HIVEP3: variants seen among roughly 807,000 people sequenced by gnomAD.
The protein encoded by HIVEP3 is HIVEP zinc finger 3, also known as transcription factor HIVEP3.
In HIVEP3, 49 loss-of-function variants were observed where a neutral mutation model predicts 152.8. That is an observed-to-expected ratio of 0.32 (90% CI 0.26 to 0.41). The LOEUF (loss-of-function observed/expected upper bound fraction) is 0.41. Among genes scored for constraint, HIVEP3 ranks in the 10% least tolerant of loss-of-function variants. The probability of loss-of-function intolerance (pLI) is 1.00; values close to 1 mark genes in which losing one functional copy is unlikely to be tolerated. For synonymous variants in HIVEP3, 1,269 were observed against 1,289.0 expected, an observed-to-expected ratio of 0.98 and a Z score of 0.33; for missense variants, 2,790 against 3,103.3, an observed-to-expected ratio of 0.90 and a Z score of 2.40.
chr1:41,919,232 C>A (rs1644919275), upstream of HIVEP3, among the ~76,000 whole-genome samples: 1 of 152,148 alleles, frequency 6.6e-6, no homozygotes, highest in South Asian at 2.1e-4. Flanking sequence ...GTTATGTAAA[C>A]ACTATGATCC....
intron 2 of HIVEP3, among the ~76,000 whole-genome samples, chr1:41,681,587 C>T (rs1270605892): frequency 6.6e-6 from 1 of 152,198 alleles, no homozygotes; most frequent in Non-Finnish European, 1.5e-5. Context: ...GACAAGGCAC[C>T]CTTGCACCAC....
intron 2 of HIVEP3, among the ~76,000 whole-genome samples, chr1:41,681,836 G>A (rs994460082): frequency 6.6e-6 from 1 of 152,148 alleles, no homozygotes; most frequent in Admixed American, 6.5e-5. Flanking sequence ...TGGACTGGCT[G>A]CCCCAACTTG....
intron 1 of HIVEP3, among the ~76,000 whole-genome samples, chr1:41,741,252 C>A (rs573571378): frequency 1.3e-5 from 2 of 152,246 alleles, no homozygotes; most frequent in South Asian, 4.1e-4. Flanking sequence ...TCCCCTAGCA[C>A]CTTTGTCTTC....
At chr1:41,677,364 A>G (rs1645973206) in intron 2 of HIVEP3, among the ~76,000 whole-genome samples, 1 of 152,254 alleles carries the variant, frequency 6.6e-6, no homozygotes, top group Non-Finnish European at 1.5e-5. Flanking sequence ...AAGACAATGG[A>G]TGCTAGAAAA....
At chr1:41,666,098 G>C (rs898826227) in intron 2 of HIVEP3, among the ~76,000 whole-genome samples, 6 of 150,646 alleles carry the variant, frequency 4.0e-5, no homozygotes, top group African/African-American at 1.5e-4. Flanking sequence ...TGCTTTGGTT[G>C]TTTTCCTGTT....
rs546425580 is a variant in HIVEP3 at position 41,510,757 on chromosome 1, C to T, written c.6915G>A (p.Thr2305=). 6.2e-5 allele frequency: 98 copies of T among 1,589,276 alleles called. No individual in the cohort carries two copies. The East Asian group carries it at 2.0e-3, about 32-fold the overall frequency. ...TGTCGGGTGGGGTGCAGGGGCTGTG[C>T]GTGGGTGTGGGCTCTGCAGGTGCCC... ...GTGAPAEPTP[T]HSPCTPPDTL... The change falls in exon 9 of 9, where the codon ACG becomes ACA. Residue 2305 remains threonine, a synonymous_variant. Transcript: ENST00000372583.
chr1:41,858,304 G>T (rs1347060477), intron 1 of HIVEP3, among the ~76,000 whole-genome samples: 1 of 152,000 alleles, frequency 6.6e-6, no homozygotes, highest in Non-Finnish European at 1.5e-5. Context: ...TTGGTCATAT[G>T]CCCTAACAAT....
intron 1 of HIVEP3, among the ~76,000 whole-genome samples, chr1:41,935,818 G>T (rs1246641225): frequency 1.3e-5 from 2 of 149,706 alleles, no homozygotes; most frequent in Non-Finnish European, 3.0e-5. Flanking sequence ...CCCTCTATAA[G>T]ATTTCTACCA....
intron 5 of HIVEP3, among the ~76,000 whole-genome samples, chr1:41,573,269 G>T (rs77065034): frequency 6.6e-6 from 1 of 152,206 alleles, no homozygotes; most frequent in Non-Finnish European, 1.5e-5. Context: ...AGGTTGTAAG[G>T]CTGGTGGAAT....
At chr1:41,721,144 T>C (rs1199289057) in intron 1 of HIVEP3, among the ~76,000 whole-genome samples, 2 of 152,218 alleles carry the variant, frequency 1.3e-5, no homozygotes, top group Non-Finnish European at 2.9e-5. Flanking sequence ...TGATGAATGA[T>C]ACTTTATCTA....
At chr1:41,968,547 A>G (rs1645211994) in intron 1 of HIVEP3, among the ~76,000 whole-genome samples, 1 of 152,186 alleles carries the variant, frequency 6.6e-6, no homozygotes, top group Admixed American at 6.5e-5. Flanking sequence ...TAGGCATTGA[A>G]GGAACATACC....
rs936414096 is a variant in HIVEP3 at position 41,656,736 on chromosome 1, C to T, written c.-720-27789G>A. ...GTGCCCTGAAATGAAGGCATTATAA[C>T]TACATTTTATAAATGAAGAAAATGA... On this transcript the variant is annotated intron_variant, in intron 2 of 8. Transcript: ENST00000372583. 2.6e-5 allele frequency among the ~76,000 whole-genome samples: 4 copies of T among 152,328 alleles called. No individual in the cohort carries two copies. The East Asian group carries it at 7.7e-4, about 29-fold the overall frequency.
intron 1 of HIVEP3, among the ~76,000 whole-genome samples, chr1:41,718,159 A>AG (rs1406375897): frequency 6.6e-6 from 1 of 152,214 alleles, no homozygotes; most frequent in Non-Finnish European, 1.5e-5. Context: ...CATTTTAAAG[A>AG]GGGGTGGAAC....
At chr1:41,605,404 C>CAT in intron 3 of HIVEP3, among the ~76,000 whole-genome samples, 1 of 148,104 alleles carries the variant, frequency 6.8e-6, no homozygotes, top group East Asian at 1.9e-4. Flanking sequence ...CACACACACA[C>CAT]ACATACATAT....
At chr1:41,839,868 C>T (rs1643235890) in intron 1 of HIVEP3, among the ~76,000 whole-genome samples, 1 of 152,194 alleles carries the variant, frequency 6.6e-6, no homozygotes, top group East Asian at 1.9e-4. Context: ...ACATTCAAAC[C>T]CTCCTTCTCT....
chr1:41,618,107 G>A (rs1388539119), intron 3 of HIVEP3, among the ~76,000 whole-genome samples: 1 of 152,222 alleles, frequency 6.6e-6, no homozygotes. Flanking sequence ...TACCCAGGCT[G>A]AGCTGCCCTG....
chr1:41,635,620 A>G (rs1422759158), intron 2 of HIVEP3, among the ~76,000 whole-genome samples: 1 of 16,736 alleles, frequency 6.0e-5, no homozygotes, highest in Non-Finnish European at 9.9e-5. Context: ...ACATACATAT[A>G]CATACGTATG....
chr1:41,994,856 C>T (rs181389228), intron 1 of HIVEP3, among the ~76,000 whole-genome samples: 17 of 151,438 alleles, frequency 1.1e-4, no homozygotes, highest in African/African-American at 3.9e-4. Context: ...CTGAAAATGA[C>T]ATCAAAGATT....
chr1:41,992,190 G>A (rs1285828743), intron 1 of HIVEP3, among the ~76,000 whole-genome samples: 5 of 150,934 alleles, frequency 3.3e-5, no homozygotes, highest in Non-Finnish European at 7.4e-5. Flanking sequence ...ATTCAATTAG[G>A]AAAAGAGGAA....
Sources: allele counts gnomAD v4.1 joint callset (sites outside exome capture counted in the v4.1 genomes callset), GRCh38; gene constraint gnomAD v4.1.1; transcripts MANE v1.5; gene names NCBI Gene and HGNC (gene_info 2026-07-23, HGNC 2026-07-21).